The following MAML2 variants were observed in gnomAD, a reference collection of about 807,000 sequenced individuals.
MAML2 encodes the protein mastermind like transcriptional coactivator 2.
MAML2 carries 22 observed loss-of-function variants against 96.1 expected under a neutral mutation model. The observed-to-expected ratio is 0.23, with a 90% CI of 0.16 to 0.33. MAML2 has a LOEUF of 0.33. Ranked by LOEUF, MAML2 falls within the 10% of genes least tolerant of loss-of-function variation. MAML2 has a pLI of 1.00. For missense variants in MAML2, 1,367 were observed against 1,392.4 expected (o/e 0.98, Z 0.29); for synonymous variants, 561 against 521.3 (o/e 1.08, Z -1.04).
chr11:96,070,294 A>C (rs998616866), intron 2 of MAML2, among the ~76,000 whole-genome samples: 2 of 152,114 alleles, frequency 1.3e-5, no homozygotes, highest in African/African-American at 2.4e-5. Flanking sequence ...CGTTTCAATA[A>C]AAATAAAAAT....
rs192970308 is a variant in MAML2, at chr11:96,054,950, A to G, written c.2139+36942T>C. Among the ~76,000 whole-genome samples, 12 of 152,334 alleles carry G rather than the reference A, an allele frequency of 7.9e-5. No homozygotes were observed. In the East Asian group the frequency reaches 1.7e-3, roughly 22 times the overall value. On this transcript the variant is annotated intron_variant, in intron 2 of 4. Transcript: ENST00000524717. Reference sequence around the variant, plus strand: ...ACCTGGGGCCTGGGAAGTAGTATTTACTTAAATTAGCAATCAGTCCATTCA... The same window carrying G: ...ACCTGGGGCCTGGGAAGTAGTATTTGCTTAAATTAGCAATCAGTCCATTCA...
rs1454912784 is a variant in MAML2 at position 96,309,761 on chromosome 11, A to G, written c.513+31622T>C. ...CACCTAGGCTGGAGTGCAGTGGTGC[A>G]GTCACGGCTTACTGAGGTCCCGACC... On this transcript the variant is annotated intron_variant, in intron 1 of 4. Coordinates refer to ENST00000524717, the MANE Select transcript of MAML2 (RefSeq NM_032427.4). Among the ~76,000 whole-genome samples, 6 of 149,604 alleles carry G rather than the reference A, an allele frequency of 4.0e-5. No individual in the cohort carries two copies. The Admixed American group carries it at 4.0e-4, about 10-fold the overall frequency.
At chr11:96,156,110 T>G (rs1861007140) in intron 1 of MAML2, among the ~76,000 whole-genome samples, 1 of 152,172 alleles carries the variant, frequency 6.6e-6, no homozygotes, top group Non-Finnish European at 1.5e-5. Flanking sequence ...TTTGCTAACA[T>G]GCTTCGCCTC....
intron 2 of MAML2, among the ~76,000 whole-genome samples, chr11:96,041,675 G>T (rs1386104195): frequency 6.6e-6 from 1 of 152,122 alleles, no homozygotes; most frequent in Admixed American, 6.5e-5. Context: ...TCAGGCAAGA[G>T]TGTGCCTGAT....
chr11:96,318,676 G>A (rs1304334073), intron 1 of MAML2, among the ~76,000 whole-genome samples: 1 of 152,186 alleles, frequency 6.6e-6, no homozygotes, highest in African/African-American at 2.4e-5. Context: ...AAAGCAGAAT[G>A]TAAAACAGAA....
At chr11:96,224,295 T>C (rs1376051486) in intron 1 of MAML2, among the ~76,000 whole-genome samples, 6 of 152,216 alleles carry the variant, frequency 3.9e-5, no homozygotes, top group African/African-American at 1.2e-4. Flanking sequence ...ATAACCCTCC[T>C]TTTCAAACAC....
chr11:96,326,796 A>C (rs1385992227), intron 1 of MAML2, among the ~76,000 whole-genome samples: 3 of 148,772 alleles, frequency 2.0e-5, no homozygotes, highest in Non-Finnish European at 3.0e-5. Flanking sequence ...ATAACAAAAC[A>C]AAAAAAAAAC....
chr11:96,206,769 T>G (rs1861901716), intron 1 of MAML2, among the ~76,000 whole-genome samples: 2 of 152,150 alleles, frequency 1.3e-5, no homozygotes. Context: ...AAAAGCTGCT[T>G]TGGTTATGGA....
chr11:96,154,940 C>T (rs572894498), intron 1 of MAML2, among the ~76,000 whole-genome samples: 4 of 152,240 alleles, frequency 2.6e-5, no homozygotes, highest in Admixed American at 6.5e-5. Context: ...TGTAACACTC[C>T]GGCCTCTTGG....
intron 1 of MAML2, among the ~76,000 whole-genome samples, chr11:96,138,038 G>T (rs1860665362): frequency 6.6e-6 from 1 of 152,050 alleles, no homozygotes; most frequent in Non-Finnish European, 1.5e-5. Context: ...AATGACTGTG[G>T]TAAATGTTAG....
intron 1 of MAML2, among the ~76,000 whole-genome samples, chr11:96,111,777 A>C (rs1379091453): frequency 4.6e-5 from 7 of 152,236 alleles, no homozygotes; most frequent in African/African-American, 1.7e-4. Flanking sequence ...TATTCTGGGA[A>C]TTCAGAGCCC....
At chr11:96,136,389 T>G (rs1176403622) in intron 1 of MAML2, among the ~76,000 whole-genome samples, 1 of 151,136 alleles carries the variant, frequency 6.6e-6, no homozygotes, top group Non-Finnish European at 1.5e-5. Flanking sequence ...AAATTAAATA[T>G]TTAAAGATGT....
At chr11:96,116,014 G>A (rs188131942) in intron 1 of MAML2, among the ~76,000 whole-genome samples, 44 of 152,288 alleles carry the variant, frequency 2.9e-4, no homozygotes, top group Admixed American at 2.4e-3. Context: ...TCCAAAGCTG[G>A]TAAACTTTTT....
At chr11:96,113,775 G>A (rs1454313851) in intron 1 of MAML2, among the ~76,000 whole-genome samples, 1 of 152,050 alleles carries the variant, frequency 6.6e-6, no homozygotes, top group Non-Finnish European at 1.5e-5. Flanking sequence ...CTCCCTAAAG[G>A]GGGCATGTAG....
At chr11:96,009,643 G>A (rs994687977) in intron 2 of MAML2, among the ~76,000 whole-genome samples, 28 of 152,240 alleles carry the variant, frequency 1.8e-4, no homozygotes, top group African/African-American at 2.2e-4. Context: ...AGAAAACAAC[G>A]TAAGCATTGA....
chr11:96,286,155 T>C (rs1863136765), intron 1 of MAML2, among the ~76,000 whole-genome samples: 1 of 152,150 alleles, frequency 6.6e-6, no homozygotes, highest in Non-Finnish European at 1.5e-5. Context: ...TAAAAAGGAA[T>C]AAGATCATTT....
intron 1 of MAML2, among the ~76,000 whole-genome samples, chr11:96,157,759 T>C (rs1048994560): frequency 1.3e-5 from 2 of 152,242 alleles, no homozygotes; most frequent in Non-Finnish European, 2.9e-5. Context: ...AGATAAAGCT[T>C]GTACATGTGG....
At chr11:95,983,873 G>A (rs1441655618) in intron 4 of MAML2, among the ~76,000 whole-genome samples, 2 of 152,060 alleles carry the variant, frequency 1.3e-5, no homozygotes, top group African/African-American at 2.4e-5. Flanking sequence ...TAATGTAAAA[G>A]TTAATTTATT....
At position 96,307,713 on chromosome 11, in the gene MAML2, C is replaced by T. The variant is rs567120009; in HGVS notation, c.513+33670G>A. 1.4e-4 allele frequency among the ~76,000 whole-genome samples: 21 copies of T among 152,160 alleles called. No homozygotes were observed. The East Asian group carries it at 3.1e-3, about 22-fold the overall frequency. ...CTCCGTACAGCAGATTAAAGCAGCA[C>T]CACTTCCTTTATGACCGCTTCTTTT... On this transcript the variant is annotated intron_variant, in intron 1 of 4. Coordinates refer to ENST00000524717, the MANE Select transcript of MAML2 (RefSeq NM_032427.4).
Sources: allele counts gnomAD v4.1 joint callset (sites outside exome capture counted in the v4.1 genomes callset), GRCh38; gene constraint gnomAD v4.1.1; transcripts MANE v1.5; gene names NCBI Gene and HGNC (gene_info 2026-07-23, HGNC 2026-07-21).